The following PCDH11X variants were observed in gnomAD, a reference collection of about 807,000 sequenced individuals.
PCDH11X encodes the protein protocadherin-11 X-linked.
PCDH11X carries 18 observed loss-of-function variants against 53.3 expected under a neutral mutation model. That is an observed-to-expected ratio of 0.34 (90% CI 0.23 to 0.50). The LOEUF is 0.50. Ranked by LOEUF, PCDH11X falls within the 20% of genes least tolerant of loss-of-function variation. PCDH11X has a pLI of 0.98. For synonymous variants in PCDH11X, 279 were observed against 393.3 expected (o/e 0.71, Z 3.44); for missense variants, 570 against 1,032.4 (o/e 0.55, Z 6.14).
chrX:92,407,159 G>A (rs1429817994), intron 9 of PCDH11X, among the ~76,000 whole-genome samples: 1 of 106,959 alleles, frequency 9.3e-6, no homozygotes, highest in Non-Finnish European at 1.9e-5. Context: ...TTATTTATTG[G>A]CATATGTAAG....
intron 4 of PCDH11X, among the ~76,000 whole-genome samples, chrX:91,823,750 A>C (rs1348231661): frequency 9.0e-6 from 1 of 110,753 alleles, no homozygotes. Context: ...TTGTTAGTTG[A>C]TGCAGTTTTT....
At chrX:91,992,068 A>C (rs1368620748) in intron 6 of PCDH11X, among the ~76,000 whole-genome samples, 1 of 109,083 alleles carries the variant, frequency 9.2e-6, no homozygotes, top group African/African-American at 3.3e-5. Context: ...TATTCATTTT[A>C]ATCAATTTTT....
chrX:91,960,517 C>T (rs957771235), intron 6 of PCDH11X, among the ~76,000 whole-genome samples: 4 of 110,538 alleles, frequency 3.6e-5, no homozygotes, highest in African/African-American at 1.3e-4. Flanking sequence ...CTCCACCTCC[C>T]AGGTTCAAGC....
intron 9 of PCDH11X, among the ~76,000 whole-genome samples, chrX:92,422,730 C>T (rs1443444940): frequency 8.9e-6 from 1 of 112,105 alleles, no homozygotes; most frequent in African/African-American, 3.2e-5. Flanking sequence ...AAGGAATCTG[C>T]ACAATGTTTT....
chrX:92,274,676 T>C (rs1420473451), intron 8 of PCDH11X, among the ~76,000 whole-genome samples: 3 of 110,439 alleles, frequency 2.7e-5, no homozygotes, highest in African/African-American at 9.9e-5. Flanking sequence ...GAATAGCAGA[T>C]GGAACACTGA....
chrX:91,926,362 C>G (rs1456190305), intron 6 of PCDH11X, among the ~76,000 whole-genome samples: 1 of 110,703 alleles, frequency 9.0e-6, no homozygotes, highest in Non-Finnish European at 1.9e-5. Context: ...CTGCTTTACC[C>G]AAAGTTCACT....
At position 92,546,458 on chromosome X, in the gene PCDH11X, A is replaced by G. The variant is rs764149910; in HGVS notation, c.3368-71806A>G. 5.4e-5 allele frequency among the ~76,000 whole-genome samples: 6 copies of G among 111,157 alleles called. No individual in the cohort carries two copies. In the South Asian group the frequency reaches 1.9e-3, roughly 35 times the overall value. On this transcript the variant is annotated intron_variant, in intron 10 of 10. Transcript: ENST00000682573. ...TCTCTGTATATATAACACTTTTTTCAATAAAAATGTAAATCATATTACTTG... is the reference window on the plus strand; with the variant it reads ...TCTCTGTATATATAACACTTTTTTCGATAAAAATGTAAATCATATTACTTG...
intron 6 of PCDH11X, among the ~76,000 whole-genome samples, chrX:91,911,259 A>G (rs1182534928): frequency 9.1e-6 from 1 of 109,622 alleles, no homozygotes; most frequent in Non-Finnish European, 1.9e-5. Context: ...GTCCAGGGAT[A>G]GTTCTATTCC....
At chrX:92,482,409 T>G (rs893910147) in intron 10 of PCDH11X, among the ~76,000 whole-genome samples, 7 of 109,845 alleles carry the variant, frequency 6.4e-5, no homozygotes, top group African/African-American at 2.3e-4. Flanking sequence ...GAAATAATTT[T>G]CTATGAATTA....
At chrX:92,289,679 AG>A (rs2068453598) in intron 8 of PCDH11X, among the ~76,000 whole-genome samples, 1 of 111,534 alleles carries the variant, frequency 9.0e-6, no homozygotes, top group African/African-American at 3.3e-5. Context: ...TGTTATGACT[AG>A]GTCAGATACT....
At chrX:92,352,465 CCTT>C (rs1232596128) in intron 8 of PCDH11X, among the ~76,000 whole-genome samples, 1 of 111,624 alleles carries the variant, frequency 9.0e-6, no homozygotes, top group Non-Finnish European at 1.9e-5. Flanking sequence ...TAATAATTGA[CCTT>C]CTGAATTCTT....
rs2064571876 is a variant in PCDH11X, at chrX:92,113,736, G to C, written c.3034-87639G>C. 2.5e-6 allele frequency: 3 copies of C among 1,200,701 alleles called. No individual in the cohort carries two copies. In the East Asian group the frequency reaches 8.9e-5, roughly 36 times the overall value. On this transcript the variant is annotated intron_variant, in intron 6 of 10. Transcript: ENST00000682573. Reference sequence around the variant, plus strand: ...TGTAGAATTGGCGGATACCCTCCAGGGTCAACTCTTCCTTCTTGACAAGAA... The same window carrying C: ...TGTAGAATTGGCGGATACCCTCCAGCGTCAACTCTTCCTTCTTGACAAGAA...
chrX:92,114,195 C>T lies in PCDH11X; in HGVS notation c.3034-87180C>T, dbSNP rs2064585394. 7.2e-6 allele frequency: 8 copies of T among 1,109,094 alleles called. No individual in the cohort carries two copies. In the Admixed American group the frequency reaches 1.3e-4, roughly 18 times the overall value. 91.4% of individuals were successfully genotyped at this position (1,109,094 alleles called of 1,213,427 possible). A position where few individuals can be genotyped will look rare whatever the true frequency, so the allele number is the denominator to read the frequency against. On this transcript the variant is annotated intron_variant, in intron 6 of 10. Coordinates refer to ENST00000682573, the MANE Select transcript of PCDH11X (RefSeq NM_032968.5). ...GATCTAATGCAATCTGCTGCAGAATCGATATGGCAAATGTGGCCATTTTCC... is the reference window on the plus strand; with the variant it reads ...GATCTAATGCAATCTGCTGCAGAATTGATATGGCAAATGTGGCCATTTTCC...
At chrX:92,327,961 AAAG>A (rs1437117483) in intron 8 of PCDH11X, among the ~76,000 whole-genome samples, 1 of 102,171 alleles carries the variant, frequency 9.8e-6, no homozygotes, top group African/African-American at 3.6e-5. Flanking sequence ...AATTACTTTT[AAAG>A]AAGTACAAGT....
At chrX:92,185,726 T>G (rs1479956224) in intron 6 of PCDH11X, among the ~76,000 whole-genome samples, 1 of 109,621 alleles carries the variant, frequency 9.1e-6, no homozygotes, top group African/African-American at 3.3e-5. Flanking sequence ...AAATGGCCAA[T>G]AAGTATATGA....
At chrX:92,338,412 G>A in intron 8 of PCDH11X, among the ~76,000 whole-genome samples, 1 of 110,874 alleles carries the variant, frequency 9.0e-6, no homozygotes, top group East Asian at 2.8e-4. Context: ...TGAGCCTGGA[G>A]ACTGAGACAA....
intron 10 of PCDH11X, among the ~76,000 whole-genome samples, chrX:92,600,557 A>C (rs966866676): frequency 9.0e-6 from 1 of 111,217 alleles, no homozygotes; most frequent in Non-Finnish European, 1.9e-5. Context: ...ATGTATGGAA[A>C]TTCCTGGGTG....
chrX:92,553,706 A>G (rs1213470901), intron 10 of PCDH11X, among the ~76,000 whole-genome samples: 1 of 108,901 alleles, frequency 9.2e-6, no homozygotes, highest in African/African-American at 3.3e-5. Flanking sequence ...AAATATAGCT[A>G]TAAACTTTCT....
At chrX:92,298,356 G>C (rs958752243) in intron 8 of PCDH11X, among the ~76,000 whole-genome samples, 61 of 111,293 alleles carry the variant, frequency 5.5e-4, no homozygotes, top group African/African-American at 2.0e-3. Flanking sequence ...TAACATGAAG[G>C]GAAGTTTAAT....
Sources: gnomAD v4.1 joint callset for allele counts (sites outside exome capture counted in the v4.1 genomes callset) on GRCh38, gnomAD v4.1.1 for gene constraint, MANE v1.5 for transcripts, NCBI Gene and HGNC (gene_info 2026-07-23, HGNC 2026-07-21) for gene names.